RNF217: variants seen among roughly 807,000 people sequenced by gnomAD.
RNF217 encodes the protein ring finger protein 217, also known as E3 ubiquitin-protein ligase RNF217.
A neutral mutation model predicts 57.8 loss-of-function variants in RNF217; 31 were observed. The ratio of observed to expected loss-of-function variants is 0.54; its 90% CI spans 0.40 to 0.72. The LOEUF is 0.72. Ranked by LOEUF, RNF217 falls within the 30% of genes least tolerant of loss-of-function variation. The pLI, the probability that RNF217 is intolerant of heterozygous loss-of-function variation, is 0.00. For missense variants in RNF217, 696 were observed against 708.3 expected, an observed-to-expected ratio of 0.98 and a Z score of 0.20; for synonymous variants, 313 against 294.0, an observed-to-expected ratio of 1.06 and a Z score of -0.66.
intron 2 of RNF217, among the ~76,000 whole-genome samples, chr6:125,051,762 T>C (rs895287948): frequency 6.6e-6 from 1 of 152,098 alleles, no homozygotes; most frequent in African/African-American, 2.4e-5. Context: ...TTTATGTGGG[T>C]ACCTCTTGTG....
At chr6:125,003,823 C>T (rs1163115760) in intron 1 of RNF217, among the ~76,000 whole-genome samples, 1 of 152,010 alleles carries the variant, frequency 6.6e-6, no homozygotes, top group African/African-American at 2.4e-5. Context: ...CTCATAGCTT[C>T]TTATATGCTA....
intron 1 of RNF217, among the ~76,000 whole-genome samples, chr6:125,014,041 A>G (rs910331377): frequency 6.6e-6 from 1 of 152,162 alleles, no homozygotes; most frequent in African/African-American, 2.4e-5. Context: ...TGTTCTCTGA[A>G]TGGGAACTGA....
intron 1 of RNF217, among the ~76,000 whole-genome samples, chr6:125,004,521 A>G (rs1240317598): frequency 6.6e-6 from 1 of 152,222 alleles, no homozygotes; most frequent in African/African-American, 2.4e-5. Context: ...CAAATTAAAG[A>G]TAACGAGAAT....
chr6:124,964,594 T>C (rs193275935), intron 1 of RNF217, among the ~76,000 whole-genome samples: 6 of 152,306 alleles, frequency 3.9e-5, no homozygotes, highest in Admixed American at 3.3e-4. Flanking sequence ...TGAAAGTGTG[T>C]ACAGTCCCTA....
chr6:125,068,778 A>G (rs979972658), intron 3 of RNF217, among the ~76,000 whole-genome samples: 11 of 152,210 alleles, frequency 7.2e-5, no homozygotes, highest in African/African-American at 2.7e-4. Flanking sequence ...AGAACATGGG[A>G]TTGCAGTCAG....
chr6:124,978,882 G>A (rs78968193), intron 1 of RNF217, among the ~76,000 whole-genome samples: 7 of 152,176 alleles, frequency 4.6e-5, no homozygotes, highest in Admixed American at 6.5e-5. Context: ...AGCTGTCAGC[G>A]GACAGGGCAC....
chr6:125,016,011 A>G (rs898221966), intron 1 of RNF217, among the ~76,000 whole-genome samples: 16 of 152,168 alleles, frequency 1.1e-4, no homozygotes, highest in Admixed American at 1.3e-4. Flanking sequence ...TGTTATGTCA[A>G]TGGATTCACT....
chr6:125,038,735 G>A (rs1786752801), intron 1 of RNF217, among the ~76,000 whole-genome samples: 1 of 152,040 alleles, frequency 6.6e-6, no homozygotes, highest in Admixed American at 6.6e-5. Context: ...AGGATTCACG[G>A]CTTAATTCAC....
chr6:125,053,306 C>T (rs1023574514), intron 2 of RNF217, among the ~76,000 whole-genome samples: 1 of 152,052 alleles, frequency 6.6e-6, no homozygotes, highest in Non-Finnish European at 1.5e-5. Flanking sequence ...TTTTTTCTGC[C>T]TACAATCAAC....
intron 2 of RNF217, among the ~76,000 whole-genome samples, chr6:125,055,173 T>C (rs1341909991): frequency 6.6e-6 from 1 of 152,186 alleles, no homozygotes; most frequent in Non-Finnish European, 1.5e-5. Flanking sequence ...AGTCCTTTTA[T>C]GGTTTTAATC....
At chr6:125,000,889 T>G (rs1042470160) in intron 1 of RNF217, among the ~76,000 whole-genome samples, 1 of 152,098 alleles carries the variant, frequency 6.6e-6, no homozygotes. Flanking sequence ...ACCACAGGGA[T>G]TTTTTATTCT....
intron 3 of RNF217, among the ~76,000 whole-genome samples, chr6:125,061,617 T>G (rs1185356515): frequency 2.6e-5 from 4 of 151,716 alleles, no homozygotes; most frequent in African/African-American, 9.7e-5. Flanking sequence ...TTTATTTGAG[T>G]GGTAGGTTTT....
intron 5 of RNF217, 60 bp downstream of exon 5, chr6:125,081,567 A>G: frequency 7.9e-7 from 1 of 1,265,290 alleles, no homozygotes; most frequent in Non-Finnish European, 1.1e-6. Context: ...AGAGAATACG[A>G]GTGTAAATGT....
chr6:124,993,614 A>G (rs1481726468), intron 1 of RNF217, among the ~76,000 whole-genome samples: 1 of 152,160 alleles, frequency 6.6e-6, no homozygotes, highest in Non-Finnish European at 1.5e-5. Context: ...CTATTCGGGT[A>G]GATATATAAG....
chr6:124,968,879 C>A (rs971639252), intron 1 of RNF217, among the ~76,000 whole-genome samples: 2 of 152,158 alleles, frequency 1.3e-5, no homozygotes, highest in African/African-American at 2.4e-5. Flanking sequence ...TATAATTATT[C>A]ATTTATCAGT....
chr6:124,963,387 CG>C lies in RNF217; in HGVS notation c.844del (p.Val282CysfsTer10). ...AGCCCCTGCCTTGCTGCAAGAAGGC[CG>C]TGTGCGAGGAGTGCCTCAAAGTCTA... ...IKPLPCCKKA[V>X]CEECLKVYLS... On this transcript the variant is annotated frameshift_variant, in exon 1 of 6. Coordinates refer to ENST00000521654, the MANE Select transcript of RNF217 (RefSeq NM_001286398.3). LOFTEE classifies it high-confidence loss of function. 1 of 1,505,936 alleles carries C rather than the reference CG, an allele frequency of 6.6e-7. No individual in the cohort carries two copies. Among genetic ancestry groups the C allele is most frequent in the Non-Finnish European group, 8.8e-7 (1 of 1,132,634 alleles). 93.3% of individuals were successfully genotyped at this position (1,505,936 alleles called of 1,614,324 possible).
Position 124,962,890 on chromosome 6 carries a change from G to T in RNF217, c.346G>T (p.Asp116Tyr), listed in dbSNP as rs949778902. ...GGAGGAGGAAGAGGAGGAAGCTGGG[G>T]ATCGAAAAGAGGGAGGGGATGAACA... ...ELEEEEEEAG[D>Y]RKEGGDEQQE... The change falls in exon 1 of 6, where the codon GAT becomes TAT. Residue 116 changes from aspartate to tyrosine, a missense_variant. By Grantham distance (160) the Asp-to-Tyr change is radical. Around this residue, in one of 2 missense-constraint regions of RNF217, gnomAD observed 465 missense variants for 386.8 expected, o/e 1.20. Transcript: ENST00000521654. The surrounding 1 kb of genome is among the most constrained non-coding windows in gnomAD (Gnocchi z 4.6). 2.4e-5 allele frequency: 38 copies of T among 1,598,010 alleles called. No individual in the cohort carries two copies. Among genetic ancestry groups the T allele is most frequent in the Admixed American group, 3.3e-5 (2 of 60,008 alleles).
chr6:124,962,940 G>C lies in RNF217; in HGVS notation c.396G>C (p.Glu132Asp). The C allele has an allele frequency of 6.3e-7, 1 of 1,597,942 alleles. No individual in the cohort carries two copies. The highest frequency in any genetic ancestry group is 1.3e-5 in the African/African-American group (1 of 75,048). The stretch of plus-strand genomic sequence containing the variant: ...AGCAGGAGGCGCCCCCCGGCGAAGA[G>C]CTGGAGCCCAGGACCCGCGTGGGGG... ...DEQQEAPPGE[E>D]LEPRTRVGAA... Residue 132 changes from glutamate to aspartate, a missense_variant, in exon 1 of 6, where the codon GAG (glutamate) becomes GAC (aspartate). Transcript: ENST00000521654. The surrounding 1 kb of genome is among the most constrained non-coding windows in gnomAD (Gnocchi z 4.6).
chr6:125,037,252 T>C (rs1786674798), intron 1 of RNF217, among the ~76,000 whole-genome samples: 2 of 152,158 alleles, frequency 1.3e-5, no homozygotes, highest in Admixed American at 6.6e-5. Context: ...TTTACAACTT[T>C]ATTTTTCTAG....
Sources: allele counts gnomAD v4.1 joint callset (sites outside exome capture counted in the v4.1 genomes callset), GRCh38; gene constraint gnomAD v4.1.1; regional missense constraint gnomAD v4.1.1; non-coding constraint Gnocchi (gnomAD v3.1); transcripts MANE v1.5; gene names NCBI Gene and HGNC (gene_info 2026-07-23, HGNC 2026-07-21).